The following PTPRA variants were observed in gnomAD, a reference collection of about 807,000 sequenced individuals.
The protein encoded by PTPRA is protein tyrosine phosphatase receptor type A.
A neutral mutation model predicts 104.8 loss-of-function variants in PTPRA; 25 were observed. The ratio of observed to expected loss-of-function variants is 0.24; its 90% CI spans 0.17 to 0.33. The LOEUF (loss-of-function observed/expected upper bound fraction) is 0.33. PTPRA is among the 10% of genes least tolerant of loss of function. The probability of loss-of-function intolerance (pLI) is 1.00; values close to 1 mark genes in which losing one functional copy is unlikely to be tolerated. For missense variants in PTPRA, 765 were observed against 1,015.3 expected (o/e 0.75, Z 3.35); for synonymous variants, 323 against 368.9 (o/e 0.88, Z 1.43).
At chr20:2,956,351 A>G (rs1314987392) in intron 3 of PTPRA, among the ~76,000 whole-genome samples, 1 of 152,086 alleles carries the variant, frequency 6.6e-6, no homozygotes, top group African/African-American at 2.4e-5. Flanking sequence ...TCATGATATG[A>G]TCGCTGCCTC....
At chr20:2,934,779 C>T (rs923992591) in intron 2 of PTPRA, among the ~76,000 whole-genome samples, 29 of 148,396 alleles carry the variant, frequency 2.0e-4, no homozygotes, top group African/African-American at 5.0e-5. Flanking sequence ...TCGAGCAATT[C>T]TCCTGTCTCA....
chr20:2,891,737 T>C (rs914902780), intron 1 of PTPRA, among the ~76,000 whole-genome samples: 1 of 151,938 alleles, frequency 6.6e-6, no homozygotes, highest in African/African-American at 2.4e-5. Flanking sequence ...TTCAGGTGAT[T>C]GATTCCAGGA....
upstream of PTPRA, among the ~76,000 whole-genome samples, chr20:2,869,772 C>T (rs1032450849): frequency 1.8e-4 from 28 of 152,096 alleles, no homozygotes; most frequent in Non-Finnish European, 4.1e-4. Flanking sequence ...TTGAGACCAG[C>T]CTGGCCAACA....
At chr20:2,947,894 T>C in intron 2 of PTPRA, 88 bp from the exon 3 acceptor site, 1 of 538,628 alleles carries the variant, frequency 1.9e-6, no homozygotes, top group East Asian at 7.0e-5. Flanking sequence ...AATTTGCCTA[T>C]CGATAATTTC....
At chr20:2,872,376 G>A (rs2089451041), upstream of PTPRA, among the ~76,000 whole-genome samples, 1 of 152,246 alleles carries the variant, frequency 6.6e-6, no homozygotes, top group Non-Finnish European at 1.5e-5. The surrounding 1 kb of genome is among the most constrained non-coding windows in gnomAD (Gnocchi z 7.9). Context: ...TGCCCGGTCT[G>A]GAGGAGAGAC....
chr20:3,005,181 G>A, intron 10 of PTPRA, 35 bp downstream of exon 10: 1 of 1,513,878 alleles, frequency 6.6e-7, no homozygotes, highest in South Asian at 1.1e-5. Context: ...GATGTAACCT[G>A]AAATTACATC....
intron 1 of PTPRA, among the ~76,000 whole-genome samples, chr20:2,910,611 T>TTTA (rs2059687409): frequency 1.2e-5 from 1 of 85,140 alleles, no homozygotes; most frequent in Non-Finnish European, 2.2e-5. Context: ...TTTTTTTTAA[T>TTTA]TTTTTTTTTT....
Position 3,027,727 on chromosome 20 carries a change from C to T in PTPRA, c.1806C>T (p.Ser602=). Residue 602 remains serine (S), a synonymous_variant, in exon 20 of 24, where the codon TCC becomes TCT. Transcript: ENST00000399903. ...SFIDGYRQKD[S]YIASQGPLLH... ...TGCAGGGCTACCGGCAGAAGGACTC[C>T]TATATCGCCAGCCAGGGCCCTCTTC... 1 of 1,614,068 alleles carries T rather than the reference C, an allele frequency of 6.2e-7. No individual in the cohort carries two copies. Among genetic ancestry groups the T allele is most frequent in the Non-Finnish European group, 8.5e-7 (1 of 1,180,002 alleles).
chr20:2,882,975 C>G (rs189883755), intron 1 of PTPRA, among the ~76,000 whole-genome samples: 25 of 113,660 alleles, frequency 2.2e-4, no homozygotes, highest in Admixed American at 1.7e-3. Flanking sequence ...AAATCCAACA[C>G]TTTTTTTTTT....
chr20:2,977,335 T>C (rs1454876359), intron 6 of PTPRA, among the ~76,000 whole-genome samples: 1 of 149,818 alleles, frequency 6.7e-6, no homozygotes, highest in East Asian at 2.0e-4. Context: ...TGTAAAGAAG[T>C]AGTCCTTGAG....
rs1353340218 is a variant in PTPRA, at chr20:3,027,104, C to T, written c.1709-17C>T. The T allele has an allele frequency of 6.2e-6, 10 of 1,612,682 alleles. No homozygotes were observed. The highest frequency in any genetic ancestry group is 2.7e-5 in the African/African-American group (2 of 74,858). ...CAAATGATATTGGCTAGCCATAAGC[C>T]GCTATTCTTCTTACAGATGAATTCA... On this transcript the variant is annotated splice_polypyrimidine_tract_variant and intron_variant, in intron 18 of 23. Transcript: ENST00000399903.
intron 6 of PTPRA, among the ~76,000 whole-genome samples, chr20:2,977,607 T>C (rs967547150): frequency 6.6e-6 from 1 of 151,456 alleles, no homozygotes; most frequent in African/African-American, 2.4e-5. Flanking sequence ...ATTGCGTGAC[T>C]GTACTCTAGC....
At chr20:2,992,476 C>CA (rs1210048685) in intron 9 of PTPRA, among the ~76,000 whole-genome samples, 1 of 152,102 alleles carries the variant, frequency 6.6e-6, no homozygotes, top group African/African-American at 2.4e-5. Context: ...GAGACCACGC[C>CA]ATTGCACTGT....
intron 1 of PTPRA, among the ~76,000 whole-genome samples, chr20:2,905,357 C>G (rs925332001): frequency 5.9e-5 from 9 of 152,100 alleles, no homozygotes; most frequent in Admixed American, 4.6e-4. Flanking sequence ...TGAATGTTTC[C>G]TAAGAAAAGT....
intron 6 of PTPRA, among the ~76,000 whole-genome samples, chr20:2,984,479 A>G (rs1293265112): frequency 6.6e-6 from 1 of 152,166 alleles, no homozygotes; most frequent in Non-Finnish European, 1.5e-5. Context: ...GATTGAATTG[A>G]TTGCTCCCTC....
At chr20:2,968,137 G>A (rs565745787) in intron 5 of PTPRA, among the ~76,000 whole-genome samples, 4 of 152,148 alleles carry the variant, frequency 2.6e-5, no homozygotes, top group Admixed American at 6.5e-5. Context: ...CTCATCATTC[G>A]GTAGATTCCT....
chr20:2,929,574 T>C (rs377766415), intron 2 of PTPRA, among the ~76,000 whole-genome samples: 1 of 152,242 alleles, frequency 6.6e-6, no homozygotes, highest in East Asian at 1.9e-4. Context: ...TTTGTAATCT[T>C]AGTACTTTGG....
chr20:3,032,659 G>A (rs567582637), intron 20 of PTPRA, among the ~76,000 whole-genome samples: 18 of 151,884 alleles, frequency 1.2e-4, no homozygotes, highest in Admixed American at 7.9e-4. Context: ...CCAGCTACTC[G>A]GGAGGCTGAG....
chr20:2,928,635 G>T (rs963467410), intron 2 of PTPRA, among the ~76,000 whole-genome samples: 1 of 151,892 alleles, frequency 6.6e-6, no homozygotes. Context: ...AGGTGTACTT[G>T]GTGGGCCCCT....
Sources: gnomAD v4.1 joint callset for allele counts (sites outside exome capture counted in the v4.1 genomes callset) on GRCh38, gnomAD v4.1.1 for gene constraint, Gnocchi (gnomAD v3.1) non-coding constraint, MANE v1.5 for transcripts, NCBI Gene and HGNC (gene_info 2026-07-23, HGNC 2026-07-21) for gene names.